MTA3: variants seen among roughly 807,000 people sequenced by gnomAD.
MTA3 encodes metastasis associated 1 family member 3, also known as metastasis-associated protein MTA3.
A neutral mutation model predicts 83.5 loss-of-function variants in MTA3; 34 were observed. That is an observed-to-expected ratio of 0.41 (90% CI 0.31 to 0.54). The LOEUF (loss-of-function observed/expected upper bound fraction) is 0.54, where lower values mean the gene tolerates loss of function less well. Ranked by LOEUF, MTA3 falls within the 20% of genes least tolerant of loss-of-function variation. MTA3 has a pLI of 0.33. For missense variants in MTA3, 761 were observed against 726.4 expected (o/e 1.05, Z -0.55); for synonymous variants, 303 against 252.7 (o/e 1.20, Z -1.89).
chr2:42,575,127 G>A (rs1185855047), intron 2 of MTA3, among the ~76,000 whole-genome samples: 2 of 152,204 alleles, frequency 1.3e-5, no homozygotes, highest in African/African-American at 4.8e-5. Flanking sequence ...GCAGGTGGGA[G>A]CTCTGCCTTG....
At position 42,644,162 on chromosome 2, in the gene MTA3, A is replaced by G; in HGVS notation, c.417A>G (p.Ser139=). Residue 139 remains serine (S), a synonymous_variant, in exon 6 of 17, where the codon TCA becomes TCG. Transcript: ENST00000405094. The part of the protein sequence containing the change: ...TFFYSLVYDP[S]LKTLLADKGE... The stretch of plus-strand genomic sequence containing the variant: ...TCTACTCATTGGTCTATGACCCCTC[A>G]TTGAAAACACTATTAGCTGACAAAG... The G allele has an allele frequency of 6.2e-7, 1 of 1,612,852 alleles. No homozygotes were observed. Among genetic ancestry groups the G allele is most frequent in the South Asian group, 1.1e-5 (1 of 90,916 alleles).
intron 14 of MTA3, among the ~76,000 whole-genome samples, chr2:42,717,292 G>C (rs1007716078): frequency 6.6e-6 from 1 of 152,000 alleles, no homozygotes; most frequent in Non-Finnish European, 1.5e-5. Flanking sequence ...GCCCAGAAAT[G>C]TCTCAGTTTG....
intron 16 of MTA3, among the ~76,000 whole-genome samples, chr2:42,736,404 G>A (rs1015970661): frequency 2.0e-5 from 3 of 152,224 alleles, no homozygotes; most frequent in African/African-American, 7.2e-5. Flanking sequence ...CACAGCACTG[G>A]GGCTCACCCA....
At chr2:42,586,211 T>C (rs946028242) in intron 3 of MTA3, among the ~76,000 whole-genome samples, 5 of 149,722 alleles carry the variant, frequency 3.3e-5, no homozygotes, top group African/African-American at 1.2e-4. Context: ...AAGGTGGAGG[T>C]TGTAGTGAGC....
At chr2:42,554,469 GT>G (rs1677284335) in intron 2 of MTA3, among the ~76,000 whole-genome samples, 1 of 152,142 alleles carries the variant, frequency 6.6e-6, no homozygotes. Flanking sequence ...TTTGGAAAAT[GT>G]CAGCCTGTCT....
chr2:42,720,892 C>T (rs544398430), intron 15 of MTA3, among the ~76,000 whole-genome samples: 1 of 133,294 alleles, frequency 7.5e-6, no homozygotes, highest in Non-Finnish European at 1.5e-5. Flanking sequence ...GCAGAGGTTG[C>T]AGTGAGCCAA....
At chr2:42,581,360 C>CA (rs1679606642) in intron 3 of MTA3, among the ~76,000 whole-genome samples, 3 of 88,266 alleles carry the variant, frequency 3.4e-5, no homozygotes, top group East Asian at 3.0e-4. Context: ...TCCCAAATTG[C>CA]TTTTTTTTTT....
intron 16 of MTA3, among the ~76,000 whole-genome samples, chr2:42,740,965 A>T (rs936176366): frequency 6.6e-6 from 1 of 152,242 alleles, no homozygotes; most frequent in Non-Finnish European, 1.5e-5. Flanking sequence ...AAAGTCCTAG[A>T]TGGCATCTTC....
intron 2 of MTA3, among the ~76,000 whole-genome samples, chr2:42,559,819 G>T (rs1443489880): frequency 1.3e-5 from 2 of 148,434 alleles, no homozygotes; most frequent in East Asian, 4.2e-4. Flanking sequence ...GGGCGGGCAG[G>T]GGGGTGCGGT....
chr2:42,607,942 C>G (rs563144027), intron 3 of MTA3, among the ~76,000 whole-genome samples: 1 of 152,222 alleles, frequency 6.6e-6, no homozygotes, highest in South Asian at 2.1e-4. Flanking sequence ...CAGAGCGAGA[C>G]TCCGTCTAAA....
intron 5 of MTA3, among the ~76,000 whole-genome samples, chr2:42,643,076 C>G (rs1463910310): frequency 9.7e-6 from 1 of 103,520 alleles, no homozygotes; most frequent in Non-Finnish European, 1.9e-5. Context: ...TTTGTTTAAA[C>G]TTTTTTCCTG....
chr2:42,708,040 A>C lies in MTA3; in HGVS notation c.1288A>C (p.Ser430Arg), dbSNP rs776748495. The C allele has an allele frequency of 1.9e-6, 3 of 1,609,552 alleles. No individual in the cohort carries two copies. The East Asian group carries it at 6.7e-5, about 36-fold the overall frequency. The stretch of plus-strand genomic sequence containing the variant: ...GTCAGAAGAAGAGAAGTTATCTCCT[A>C]GCCCAACTACAGAGGTACAGTAGTC... ...TQSEEEKLSPSPTTEDPRVRS... is the reference protein window; with the variant it reads ...TQSEEEKLSPRPTTEDPRVRS... Residue 430 changes from serine (S) to arginine (R), a missense_variant, in exon 13 of 17, where the codon AGC becomes CGC. Transcript: ENST00000405094.
intron 9 of MTA3, among the ~76,000 whole-genome samples, chr2:42,686,377 A>G (rs1459752565): frequency 1.3e-5 from 2 of 152,134 alleles, no homozygotes; most frequent in Non-Finnish European, 2.9e-5. Context: ...AGTTTTTATA[A>G]ATGCATACTC....
intron 16 of MTA3, among the ~76,000 whole-genome samples, chr2:42,738,566 T>G (rs963613891): frequency 1.3e-5 from 2 of 152,324 alleles, no homozygotes; most frequent in Non-Finnish European, 2.9e-5. Flanking sequence ...ACAGCATGTG[T>G]GTTTGTGCAA....
At chr2:42,623,383 G>A (rs540589401) in intron 4 of MTA3, among the ~76,000 whole-genome samples, 1 of 152,122 alleles carries the variant, frequency 6.6e-6, no homozygotes, top group Admixed American at 6.5e-5. Context: ...GGTTTTTCCT[G>A]TCCAGCCTTC....
chr2:42,721,368 C>T (rs1667397647), intron 15 of MTA3, among the ~76,000 whole-genome samples: 1 of 150,046 alleles, frequency 6.7e-6, no homozygotes, highest in African/African-American at 2.5e-5. Context: ...CACTCTGTCA[C>T]CCAGGCTGGA....
intron 7 of MTA3, among the ~76,000 whole-genome samples, chr2:42,656,875 C>G (rs908879791): frequency 6.6e-6 from 1 of 152,146 alleles, no homozygotes; most frequent in African/African-American, 2.4e-5. Flanking sequence ...GAGGTATACT[C>G]ATATAGTGAA....
At chr2:42,746,876 A>T (rs891475457) in intron 16 of MTA3, among the ~76,000 whole-genome samples, 1 of 152,238 alleles carries the variant, frequency 6.6e-6, no homozygotes, top group Non-Finnish European at 1.5e-5. Context: ...TGGGCCTTTT[A>T]TGGAGACTTA....
At chr2:42,637,625 T>C (rs544456219) in intron 4 of MTA3, among the ~76,000 whole-genome samples, 1 of 152,326 alleles carries the variant, frequency 6.6e-6, no homozygotes, top group East Asian at 1.9e-4. Flanking sequence ...CTCTTAGCTG[T>C]TAATGTATGT....
Sources: allele counts gnomAD v4.1 joint callset (sites outside exome capture counted in the v4.1 genomes callset), GRCh38; gene constraint gnomAD v4.1.1; transcripts MANE v1.5; gene names NCBI Gene and HGNC (gene_info 2026-07-23, HGNC 2026-07-21).